Variants in DIAPH3 observed in about 807,000 individuals in gnomAD.
The protein encoded by DIAPH3 is protein diaphanous homolog 3.
A neutral mutation model predicts 144.3 loss-of-function variants in DIAPH3; 117 were observed. The ratio of observed to expected loss-of-function variants is 0.81; its 90% confidence interval spans 0.70 to 0.95. DIAPH3 has a LOEUF of 0.95. Among genes scored for constraint, DIAPH3 ranks in the 40% least tolerant of loss-of-function variants. The pLI is 0.00. For synonymous variants in DIAPH3, 519 were observed against 488.9 expected, an observed-to-expected ratio of 1.06 and a Z score of -0.81; for missense variants, 1,421 against 1,412.7, an observed-to-expected ratio of 1.01 and a Z score of -0.09.
At chr13:60,087,788 A>AC (rs774313393) in intron 4 of DIAPH3, among the ~76,000 whole-genome samples, 15 of 150,640 alleles carry the variant, frequency 1.0e-4, no homozygotes, top group Admixed American at 2.6e-4. Flanking sequence ...CAAAATATCA[A>AC]AAAAAAAAAA....
chr13:60,131,714 G>C (rs939507559), intron 2 of DIAPH3, among the ~76,000 whole-genome samples: 2 of 152,174 alleles, frequency 1.3e-5, no homozygotes, highest in Non-Finnish European at 2.9e-5. Flanking sequence ...AAAAATGACT[G>C]TAGTAATGGT....
chr13:59,692,080 G>A (rs1431365232), intron 27 of DIAPH3, among the ~76,000 whole-genome samples: 1 of 140,480 alleles, frequency 7.1e-6, no homozygotes, highest in Non-Finnish European at 1.5e-5. Flanking sequence ...AAAAATACTA[G>A]AATAAAACTT....
intron 27 of DIAPH3, among the ~76,000 whole-genome samples, chr13:59,738,932 C>T (rs1022538584): frequency 6.6e-6 from 1 of 152,192 alleles, no homozygotes; most frequent in Admixed American, 6.5e-5. Context: ...CAACCAATGG[C>T]TTTCTCACTT....
At chr13:59,930,387 A>C (rs2047967000) in intron 17 of DIAPH3, among the ~76,000 whole-genome samples, 1 of 152,172 alleles carries the variant, frequency 6.6e-6, no homozygotes. Flanking sequence ...AAGAATAAAG[A>C]AGAGCACCCT....
intron 27 of DIAPH3, among the ~76,000 whole-genome samples, chr13:59,698,938 A>T (rs1167560196): frequency 6.6e-6 from 1 of 152,242 alleles, no homozygotes; most frequent in East Asian, 1.9e-4. Context: ...GTATTAAAAC[A>T]TGCTAAGAGT....
chr13:59,850,163 T>C (rs1204956327), intron 22 of DIAPH3, among the ~76,000 whole-genome samples: 2 of 152,182 alleles, frequency 1.3e-5, no homozygotes, highest in Admixed American at 1.3e-4. Flanking sequence ...TTTTGTACAT[T>C]GATTTTGTAT....
chr13:59,918,286 T>C (rs1255421758), intron 18 of DIAPH3, among the ~76,000 whole-genome samples: 2 of 149,640 alleles, frequency 1.3e-5, no homozygotes, highest in Non-Finnish European at 3.0e-5. Flanking sequence ...GAAATTTCCC[T>C]TTGTCGCTAA....
intron 9 of DIAPH3, among the ~76,000 whole-genome samples, chr13:60,003,070 G>A (rs2140903113): frequency 6.6e-6 from 1 of 152,230 alleles, no homozygotes; most frequent in Admixed American, 6.5e-5. Flanking sequence ...ATGAACAATG[G>A]ACACTACGAT....
intron 27 of DIAPH3, among the ~76,000 whole-genome samples, chr13:59,743,292 G>A (rs934749825): frequency 6.6e-5 from 10 of 152,144 alleles, no homozygotes; most frequent in African/African-American, 2.4e-4. Context: ...TAAAGCAGTG[G>A]CACTCAAAGA....
At chr13:60,049,063 CA>C (rs1246900597) in intron 4 of DIAPH3, among the ~76,000 whole-genome samples, 1 of 152,144 alleles carries the variant, frequency 6.6e-6, no homozygotes, top group East Asian at 1.9e-4. Context: ...TATAACCACA[CA>C]ATGAAATACT....
At chr13:59,714,017 A>G (rs2034892632) in intron 27 of DIAPH3, among the ~76,000 whole-genome samples, 1 of 151,870 alleles carries the variant, frequency 6.6e-6, no homozygotes, top group African/African-American at 2.4e-5. Flanking sequence ...GGAGTTAGAG[A>G]CCAGCCTGAG....
chr13:60,041,134 T>C (rs1004466183), intron 5 of DIAPH3, among the ~76,000 whole-genome samples: 1 of 76,600 alleles, frequency 1.3e-5, no homozygotes, highest in Non-Finnish European at 2.9e-5. Flanking sequence ...CCTGGACAAA[T>C]ATATTTTTAA....
chr13:59,949,141 G>A (rs573427348), intron 17 of DIAPH3, among the ~76,000 whole-genome samples: 4 of 152,220 alleles, frequency 2.6e-5, no homozygotes, highest in African/African-American at 9.6e-5. Flanking sequence ...TTATCATATA[G>A]GCTCAGGTAA....
intron 18 of DIAPH3, among the ~76,000 whole-genome samples, chr13:59,917,744 G>A (rs759391710): frequency 4.6e-5 from 7 of 151,638 alleles, no homozygotes; most frequent in Non-Finnish European, 1.0e-4. Context: ...CAAAAAATTA[G>A]CCAGGTATGG....
intron 27 of DIAPH3, among the ~76,000 whole-genome samples, chr13:59,738,496 C>T (rs546774125): frequency 6.6e-6 from 1 of 152,258 alleles, no homozygotes; most frequent in South Asian, 2.1e-4. Flanking sequence ...TGTCTTACTC[C>T]TTTAGCTTTC....
Position 59,924,869 on chromosome 13 carries a change from C to G in DIAPH3, c.2076G>C (p.Glu692Asp). Residue 692 changes from glutamate to aspartate, a missense_variant and splice_region_variant, in exon 18 of 28, where the codon GAG becomes GAC. Coordinates refer to ENST00000400324, the MANE Select transcript of DIAPH3 (RefSeq NM_001042517.2). ...LENTFCCQQK[E>D]RREEEDIEEK... ...CTTCAATATCTTCCTCTTCTCTTCT[C>G]TCTGTAAAACCAAGATAGATCCATG... 1.9e-6 allele frequency: 3 copies of G among 1,598,866 alleles called. No homozygotes were observed. Among genetic ancestry groups the G allele is most frequent in the Non-Finnish European group, 2.6e-6 (3 of 1,169,588 alleles).
chr13:60,007,239 T>C (rs923147959), intron 9 of DIAPH3, among the ~76,000 whole-genome samples: 2 of 151,956 alleles, frequency 1.3e-5, no homozygotes, highest in Non-Finnish European at 2.9e-5. Context: ...TTAGTAGAGA[T>C]GGGGTTTCAC....
intron 4 of DIAPH3, among the ~76,000 whole-genome samples, chr13:60,063,958 C>CCT (rs2056865050): frequency 6.6e-6 from 1 of 152,072 alleles, no homozygotes; most frequent in African/African-American, 2.4e-5. Context: ...TCTCCTTATA[C>CCT]CTCTTCATCA....
intron 20 of DIAPH3, among the ~76,000 whole-genome samples, chr13:59,907,190 C>CTAT (rs1238902224): frequency 1.3e-5 from 2 of 152,158 alleles, no homozygotes; most frequent in Non-Finnish European, 2.9e-5. Context: ...CTCAAATATA[C>CTAT]ACCAATTTCT....
Sources: gnomAD v4.1 joint callset for allele counts (sites outside exome capture counted in the v4.1 genomes callset) on GRCh38, gnomAD v4.1.1 for gene constraint, MANE v1.5 for transcripts, NCBI Gene and HGNC (gene_info 2026-07-23, HGNC 2026-07-21) for gene names.